PLK5: variants seen among roughly 807,000 people sequenced by gnomAD.
The protein encoded by PLK5 is inactive serine/threonine-protein kinase PLK5.
A neutral mutation model predicts 33.7 loss-of-function variants in PLK5; 28 were observed. The observed-to-expected ratio is 0.83, with a 90% CI of 0.62 to 1.14. The LOEUF (loss-of-function observed/expected upper bound fraction) is 1.14, where lower values mean the gene tolerates loss of function less well. PLK5 is among the 50% of genes most tolerant of loss of function. The pLI, the probability that PLK5 is intolerant of heterozygous loss-of-function variation, is 0.00. For synonymous variants in PLK5, 225 were observed against 202.2 expected (o/e 1.11, Z -0.96); for missense variants, 492 against 461.5 (o/e 1.07, Z -0.61).
rs1340122975 is a variant in PLK5 at position 1,535,261 on chromosome 19, G to A, written c.*11G>A. 1.3e-6 allele frequency: 2 copies of A among 1,533,660 alleles called. No individual in the cohort carries two copies. The highest frequency in any genetic ancestry group is 1.7e-6 in the Non-Finnish European group (2 of 1,145,616). ...CTGCAGAGTATCTAGTGCCCCTGAG[G>A]GTCAGAGTGGACCCCTGCATGGTAG... On this transcript the variant is annotated 3_prime_UTR_variant, in exon 14 of 14. Coordinates refer to ENST00000454744, the MANE Select transcript of PLK5 (RefSeq NM_001243079.2).
rs1161780449 is a variant in PLK5 at position 1,526,740 on chromosome 19, T to C, written c.-146T>C. ...CTTAACAAGAACATGGAGGTGAAGA[T>C]TGGAGACCTGGGACTGGCGGCCAAG... On this transcript the variant is annotated 5_prime_UTR_variant, in exon 5 of 14. Transcript: ENST00000454744. 9.2e-6 allele frequency: 5 copies of C among 541,334 alleles called. No individual in the cohort carries two copies. Among genetic ancestry groups the C allele is most frequent in the Non-Finnish European group, 1.7e-5 (5 of 301,454 alleles). 33.5% of individuals were successfully genotyped at this position (541,334 alleles called of 1,614,324 possible).
In PLK5 at chr19:1,531,791, G is replaced by A. The variant is rs1475072573; in HGVS notation, c.622G>A (p.Val208Met). Reference protein sequence around the residue: ...QQPILWAPKWVDYSSKYGFGY... With the variant: ...QQPILWAPKWMDYSSKYGFGY... ...GCCCATCCTCTGGGCCCCCAAATGG[G>A]TGGATTATTCCAGCAAATACGGCTT... Residue 208 changes from valine (V) to methionine (M), a missense_variant, in exon 12 of 14, where the codon GTG becomes ATG. Val to Met is a conservative substitution (Grantham distance 21). Coordinates refer to ENST00000454744, the MANE Select transcript of PLK5 (RefSeq NM_001243079.2). 2 of 1,535,722 alleles carry A rather than the reference G, an allele frequency of 1.3e-6. No individual in the cohort carries two copies. Among genetic ancestry groups the A allele is most frequent in the African/African-American group, 1.4e-5 (1 of 73,120 alleles).
At chr19:1,534,728 A>T (rs1324121438) in intron 13 of PLK5, among the ~76,000 whole-genome samples, 1 of 149,256 alleles carries the variant, frequency 6.7e-6, no homozygotes. Context: ...GAGGCAGGAG[A>T]ATGGCGTGAA....
intron 11 of PLK5, among the ~76,000 whole-genome samples, 175 bp from the exon 12 acceptor site, chr19:1,531,563 G>C (rs539787223): frequency 6.6e-6 from 1 of 152,108 alleles, no homozygotes; most frequent in Non-Finnish European, 1.5e-5. Flanking sequence ...TTACGGTTCC[G>C]TGGCTTCTGT....
In PLK5 at chr19:1,535,421, TCTTC is replaced by T. The variant is rs1914070137; in HGVS notation, c.*175_*178del. The T allele has an allele frequency of 1.2e-5, 8 of 643,704 alleles. 1 individual carries two copies. In the South Asian group the frequency reaches 1.9e-4, roughly 16 times the overall value. The allele number at this position is 643,704 out of a possible 1,614,324, so 39.9% of individuals were successfully genotyped here. Reference sequence around the variant, plus strand: ...GTTCAACCCAGACTTTGCTGGGATCTCTTCCTTTTTCATTAAAGACAATTTGAAA... The same window carrying T: ...GTTCAACCCAGACTTTGCTGGGATCTCTTTTTCATTAAAGACAATTTGAAA... On this transcript the variant is annotated 3_prime_UTR_variant, in exon 14 of 14. Coordinates refer to ENST00000454744, the MANE Select transcript of PLK5 (RefSeq NM_001243079.2).
chr19:1,526,665 C>T, intron 4 of PLK5, 39 bp from the exon 5 acceptor site: 1 of 397,014 alleles, frequency 2.5e-6, no homozygotes. Context: ...GAGGTGGGCA[C>T]GGATCCACCC....
chr19:1,533,010 A>G (rs150861179), intron 12 of PLK5, among the ~76,000 whole-genome samples: 26 of 150,692 alleles, frequency 1.7e-4, no homozygotes, highest in African/African-American at 6.1e-4. Context: ...GGTATGCATC[A>G]GTAGGTCCCA....
chr19:1,529,848 G>C (rs1235466566), intron 11 of PLK5, 24 bp downstream of exon 11: 2 of 1,532,754 alleles, frequency 1.3e-6, no homozygotes, highest in Non-Finnish European at 1.7e-6. Context: ...CAGCCCCCAG[G>C]ATCACCTTTA....
rs370828745 is a variant in PLK5 at position 1,535,692 on chromosome 19, G to C, written c.*442G>C. ...GGGCCCAGGAGTTTGAGACCAGCCT[G>C]GGCAACATGGCAAGACCCCATCTCT... On this transcript the variant is annotated 3_prime_UTR_variant, in exon 14 of 14. Coordinates refer to ENST00000454744, the MANE Select transcript of PLK5 (RefSeq NM_001243079.2). 1 of 185,780 alleles carries C rather than the reference G, an allele frequency of 5.4e-6. No homozygotes were observed. Among genetic ancestry groups the C allele is most frequent in the African/African-American group, 2.4e-5 (1 of 41,654 alleles). The allele number at this position is 185,780 out of a possible 1,614,324, so 11.5% of individuals were successfully genotyped here. A position where few individuals can be genotyped will look rare whatever the true frequency, so the allele number is the denominator to read the frequency against.
In PLK5 at chr19:1,529,434, G is replaced by C. The variant is rs1233281382; in HGVS notation, c.434G>C (p.Cys145Ser). 2.6e-6 allele frequency: 4 copies of C among 1,535,874 alleles called. No individual in the cohort carries two copies. The Admixed American group carries it at 5.9e-5, about 23-fold the overall frequency. ...TCCCTGTCTGCGAAAGAGGTTCCCT[G>C]CCTGGAAGGCCCCATCCACCTGGTC... ...ESSLSAKEVP[C>S]LEGPIHLVAQ... The change falls in exon 10 of 14, where the codon TGC becomes TCC. Residue 145 changes from cysteine (C) to serine (S), a missense_variant. Physicochemically the swap from Cys to Ser is moderately radical, Grantham distance 112. Coordinates refer to ENST00000454744, the MANE Select transcript of PLK5 (RefSeq NM_001243079.2).
chr19:1,534,689 C>T (rs373523406), intron 13 of PLK5, among the ~76,000 whole-genome samples: 7 of 145,592 alleles, frequency 4.8e-5, no homozygotes, highest in African/African-American at 1.0e-4. Context: ...TGGTGGCGGG[C>T]GCCTGTAGTC....
At chr19:1,534,697 G>A (rs1173618432) in intron 13 of PLK5, among the ~76,000 whole-genome samples, 4 of 145,966 alleles carry the variant, frequency 2.7e-5, no homozygotes, top group Admixed American at 2.1e-4. Context: ...GGCGCCTGTA[G>A]TCCCAGCTAC....
intron 6 of PLK5, 75 bp from the exon 7 acceptor site, chr19:1,527,861 A>G: frequency 6.4e-6 from 9 of 1,406,400 alleles, no homozygotes; most frequent in Non-Finnish European, 8.6e-6. Flanking sequence ...CTGTGTAGGC[A>G]GGTCTGGCCA....
In PLK5 at chr19:1,526,800, CG is replaced by C; in HGVS notation, c.-95+15del. 9.1e-6 allele frequency: 6 copies of C among 662,664 alleles called. No individual in the cohort carries two copies. Among genetic ancestry groups the C allele is most frequent in the East Asian group, 2.9e-5 (1 of 34,844 alleles). The allele number at this position is 662,664 out of a possible 1,614,324, so 41.0% of individuals were successfully genotyped here. On this transcript the variant is annotated intron_variant, in intron 5 of 13. Coordinates refer to ENST00000454744, the MANE Select transcript of PLK5 (RefSeq NM_001243079.2). ...GGGGGCCGCTGCCACAGGTGAGAGCCGGGGGGAGGGCTCTGAGCAGTCCGTC... is the reference window on the plus strand; with the variant it reads ...GGGGGCCGCTGCCACAGGTGAGAGCCGGGGGAGGGCTCTGAGCAGTCCGTC...
Position 1,528,411 on chromosome 19 carries a change from C to T in PLK5, c.311C>T (p.Thr104Ile). 7.2e-6 allele frequency: 11 copies of T among 1,535,090 alleles called. 1 individual carries two copies. The highest frequency in any genetic ancestry group is 9.6e-6 in the Non-Finnish European group (11 of 1,146,484). Residue 104 changes from threonine to isoleucine, a missense_variant, in exon 8 of 14, where the codon ACC becomes ATC. Transcript: ENST00000454744. ...IFRKVGQRLL[T>I]QCRPPCPFTP... ...CGGAAGGTGGGCCAGCGGCTGCTCA[C>T]CCAGTGCCGGCCACCCTGTAAGTAC... is the stretch of plus-strand genomic sequence containing the variant.
At chr19:1,529,969 G>C (rs1913880172) in intron 11 of PLK5, 145 bp downstream of exon 11, 1 of 833,106 alleles carries the variant, frequency 1.2e-6, no homozygotes, top group Admixed American at 2.8e-5. Context: ...GACATCAGGA[G>C]AGTGGGTTAG....
intron 5 of PLK5, 42 bp from the exon 6 acceptor site, chr19:1,526,861 G>A (rs1416287730): frequency 3.6e-6 from 4 of 1,123,384 alleles, no homozygotes; most frequent in Middle Eastern, 1.9e-4. Context: ...GTCTGGCACG[G>A]GGATCCCAGC....
At chr19:1,528,187 A>T in intron 7 of PLK5, 53 bp downstream of exon 7, 1 of 1,481,806 alleles carries the variant, frequency 6.7e-7, no homozygotes, top group Non-Finnish European at 8.9e-7. Flanking sequence ...CTGGCAGGTG[A>T]TGAGCCAGAG....
Position 1,535,533 on chromosome 19 carries a change from G to A in PLK5, c.*283G>A. 1 of 436,358 alleles carries A rather than the reference G, an allele frequency of 2.3e-6. No individual in the cohort carries two copies. The highest frequency in any genetic ancestry group is 4.0e-6 in the Non-Finnish European group (1 of 248,800). 27.0% of individuals were successfully genotyped at this position (436,358 alleles called of 1,614,324 possible). Reference sequence around the variant, plus strand: ...AGAAACGTTGACCCCACGTGACGTTGCATCCTCCCTGTTTCTCTTAGTGGC... The same window carrying A: ...AGAAACGTTGACCCCACGTGACGTTACATCCTCCCTGTTTCTCTTAGTGGC... On this transcript the variant is annotated 3_prime_UTR_variant, in exon 14 of 14. Coordinates refer to ENST00000454744, the MANE Select transcript of PLK5 (RefSeq NM_001243079.2).
Sources: gnomAD v4.1 joint callset for allele counts (sites outside exome capture counted in the v4.1 genomes callset) on GRCh38, gnomAD v4.1.1 for gene constraint, MANE v1.5 for transcripts, NCBI Gene and HGNC (gene_info 2026-07-23, HGNC 2026-07-21) for gene names.